Variants in SRGAP3 observed in about 807,000 individuals in gnomAD.
SRGAP3 encodes the protein SLIT-ROBO Rho GTPase-activating protein 3.
Under a neutral mutation model 121.1 loss-of-function variants are expected in SRGAP3, and 39 were observed. That is an observed-to-expected ratio of 0.32 (90% CI 0.25 to 0.42). The LOEUF is 0.42. Among genes scored for constraint, SRGAP3 ranks in the 10% least tolerant of loss-of-function variants. SRGAP3 has a pLI of 1.00. For missense variants in SRGAP3, 1,213 were observed against 1,470.6 expected, an observed-to-expected ratio of 0.82 and a Z score of 2.86; for synonymous variants, 601 against 570.0, an observed-to-expected ratio of 1.05 and a Z score of -0.77.
chr3:9,105,083 T>C (rs1305251795), intron 2 of SRGAP3, among the ~76,000 whole-genome samples: 1 of 152,258 alleles, frequency 6.6e-6, no homozygotes, highest in East Asian at 1.9e-4. Flanking sequence ...ACTCTAGCAC[T>C]GAATGTGGTG....
At chr3:9,270,591 C>A (rs977907691) in intron 3 of SRGAP3, among the ~76,000 whole-genome samples, 2 of 152,106 alleles carry the variant, frequency 1.3e-5, no homozygotes, top group Non-Finnish European at 2.9e-5. Context: ...TCACTGTGAT[C>A]AGCAAAAGAA....
chr3:9,158,896 C>T (rs1950512893), intron 1 of SRGAP3, among the ~76,000 whole-genome samples: 1 of 152,170 alleles, frequency 6.6e-6, no homozygotes, highest in Non-Finnish European at 1.5e-5. Context: ...CGTGGGCTGA[C>T]CCAAATGAAA....
chr3:9,249,354 C>T lies in SRGAP3; in HGVS notation c.-403G>A, dbSNP rs1953937885. ...TCACCGGGACACGCACACAGTTGTG[C>T]TGTGCACACAGGCATACACACACAC... On this transcript the variant is annotated 5_prime_UTR_variant, in exon 1 of 22. Coordinates refer to ENST00000383836, the MANE Select transcript of SRGAP3 (RefSeq NM_014850.4). 2.2e-5 allele frequency: 9 copies of T among 416,268 alleles called. No homozygotes were observed. Among genetic ancestry groups the T allele is most frequent in the Non-Finnish European group, 3.6e-5 (8 of 223,144 alleles). 25.8% of individuals were successfully genotyped at this position (416,268 alleles called of 1,614,324 possible). A position where few individuals can be genotyped will look rare whatever the true frequency, so the allele number is the denominator to read the frequency against.
At chr3:9,279,670 C>T (rs1954643728) in intron 3 of SRGAP3, among the ~76,000 whole-genome samples, 1 of 151,916 alleles carries the variant, frequency 6.6e-6, no homozygotes, top group African/African-American at 2.4e-5. Context: ...CCCACCACCA[C>T]ACCCAGCTAA....
chr3:9,125,966 G>T (rs548649826), intron 1 of SRGAP3, among the ~76,000 whole-genome samples: 1 of 152,302 alleles, frequency 6.6e-6, no homozygotes, highest in South Asian at 2.1e-4. Flanking sequence ...GCCAGTCCTT[G>T]GAATATCAGA....
chr3:9,027,386 A>G (rs1172558742), intron 12 of SRGAP3, among the ~76,000 whole-genome samples: 1 of 152,136 alleles, frequency 6.6e-6, no homozygotes, highest in Non-Finnish European at 1.5e-5. Context: ...CTCAGTGCTC[A>G]AGGATCAAGT....
At position 9,146,380 on chromosome 3, in the gene SRGAP3, G is replaced by A. The variant is rs1414241223; in HGVS notation, c.68-21463C>T. Among the ~76,000 whole-genome samples the A allele has an allele frequency of 3.9e-5, 6 of 152,332 alleles. No individual in the cohort carries two copies. In the East Asian group the frequency reaches 1.2e-3, roughly 29 times the overall value. On this transcript the variant is annotated intron_variant, in intron 1 of 21. Coordinates refer to ENST00000383836, the MANE Select transcript of SRGAP3 (RefSeq NM_014850.4). ...GTGATAAGAGTGGCAGTGATGTGAA[G>A]CTGCTGCTATAATAGCAGGGACTTT...
intron 1 of SRGAP3, among the ~76,000 whole-genome samples, chr3:9,152,829 A>T (rs1183617934): frequency 6.7e-6 from 1 of 150,078 alleles, no homozygotes; most frequent in Non-Finnish European, 1.5e-5. Flanking sequence ...TTCCAGAGGC[A>T]GCCCACATCC....
chr3:9,244,746 C>T (rs188885496), intron 1 of SRGAP3, among the ~76,000 whole-genome samples: 41 of 152,226 alleles, frequency 2.7e-4, no homozygotes, highest in Admixed American at 9.8e-4. Context: ...ATATCACTCC[C>T]GGCAAGGTTC....
chr3:9,329,239 C>T (rs1446243115), intron 2 of SRGAP3, among the ~76,000 whole-genome samples: 1 of 152,166 alleles, frequency 6.6e-6, no homozygotes, highest in Admixed American at 6.5e-5. Context: ...TTCATTCAAC[C>T]ATTCGCACAG....
intron 3 of SRGAP3, among the ~76,000 whole-genome samples, chr3:9,322,789 C>A (rs1955458764): frequency 6.6e-6 from 1 of 151,570 alleles, no homozygotes; most frequent in African/African-American, 2.4e-5. Context: ...TAGATTAAAA[C>A]AAGTAAAAAA....
At chr3:9,036,192 T>C (rs944871764) in intron 11 of SRGAP3, 2 of 152,182 alleles carry the variant, frequency 1.3e-5, no homozygotes, top group African/African-American at 4.8e-5. Flanking sequence ...AGTTCCTCTA[T>C]ACAAGGTCAA....
chr3:9,344,128 T>A (rs1460248267), intron 1 of SRGAP3, among the ~76,000 whole-genome samples: 3 of 152,154 alleles, frequency 2.0e-5, no homozygotes, highest in Non-Finnish European at 4.4e-5. Context: ...GAGACCAGCC[T>A]GGCCAACGTG....
At chr3:9,084,943 G>C (rs1164828856) in intron 3 of SRGAP3, among the ~76,000 whole-genome samples, 1 of 152,124 alleles carries the variant, frequency 6.6e-6, no homozygotes, top group Non-Finnish European at 1.5e-5. Flanking sequence ...TGACTTTGGG[G>C]GCCACAGAGA....
At chr3:9,099,038 C>A (rs1470038132) in intron 3 of SRGAP3, among the ~76,000 whole-genome samples, 3 of 152,198 alleles carry the variant, frequency 2.0e-5, no homozygotes, top group Non-Finnish European at 2.9e-5. Flanking sequence ...TCACTCCACT[C>A]TCTCATGCAA....
At chr3:9,230,115 A>T (rs1247497620) in intron 1 of SRGAP3, among the ~76,000 whole-genome samples, 1 of 152,224 alleles carries the variant, frequency 6.6e-6, no homozygotes, top group South Asian at 2.1e-4. Context: ...ATTAATAACA[A>T]TCGGTGACGC....
At chr3:9,299,359 CAAAAAAA>C (rs35608018) in intron 3 of SRGAP3, among the ~76,000 whole-genome samples, 4 of 91,256 alleles carry the variant, frequency 4.4e-5, no homozygotes, top group Non-Finnish European at 8.6e-5. Flanking sequence ...GACTCCGTCC[CAAAAAAA>C]AAAAAAAAAA....
At chr3:9,252,792 GC>G (rs1202583133), upstream of SRGAP3, among the ~76,000 whole-genome samples, 1 of 151,950 alleles carries the variant, frequency 6.6e-6, no homozygotes, top group African/African-American at 2.4e-5. Flanking sequence ...AGAACCAACT[GC>G]TATTCCCAAT....
rs1173450275 is a variant in SRGAP3, at chr3:9,168,345, AGT to A, written c.68-43430_68-43429del. On this transcript the variant is annotated intron_variant, in intron 1 of 21. Coordinates refer to ENST00000383836, the MANE Select transcript of SRGAP3 (RefSeq NM_014850.4). The stretch of plus-strand genomic sequence containing the variant: ...GTCTCTGCTGTTAGCAACTGCTCCA[AGT>A]GTGCTCAGAAGTCACCTGATTGGTC... Among the ~76,000 whole-genome samples, 65 of 152,210 alleles carry A rather than the reference AGT, an allele frequency of 4.3e-4. 1 individual carries two copies. The highest frequency in any genetic ancestry group is 8.8e-5 in the Non-Finnish European group (6 of 68,048).
Sources: allele counts gnomAD v4.1 joint callset (sites outside exome capture counted in the v4.1 genomes callset), GRCh38; gene constraint gnomAD v4.1.1; transcripts MANE v1.5; gene names NCBI Gene and HGNC (gene_info 2026-07-23, HGNC 2026-07-21).